Variants in TRPM8 observed in about 807,000 individuals in gnomAD.
TRPM8 encodes TRPM8 cationic channel.
In TRPM8, 110 loss-of-function variants were observed where a neutral mutation model predicts 133.7. The ratio of observed to expected loss-of-function variants is 0.82; its 90% confidence interval spans 0.70 to 0.96. The LOEUF is 0.96. Among genes scored for constraint, TRPM8 ranks in the 40% least tolerant of loss-of-function variants. TRPM8 has a pLI of 0.00. For synonymous variants in TRPM8, 535 were observed against 532.3 expected (o/e 1.01, Z -0.07); for missense variants, 1,291 against 1,379.5 (o/e 0.94, Z 1.02).
intron 22 of TRPM8, among the ~76,000 whole-genome samples, chr2:233,999,697 T>G (rs1452746680): frequency 6.6e-6 from 1 of 152,214 alleles, no homozygotes; most frequent in Non-Finnish European, 1.5e-5. Context: ...TGGAGCAAGG[T>G]GCATGGGGGC....
At chr2:234,013,081 T>G (rs1434392254) in intron 24 of TRPM8, 1 of 152,176 alleles carries the variant, frequency 6.6e-6, no homozygotes, top group Non-Finnish European at 1.5e-5. Flanking sequence ...GGCCTATAGT[T>G]TTCTTTTCTT....
chr2:233,949,652 A>G (rs1406503482), intron 8 of TRPM8, among the ~76,000 whole-genome samples: 1 of 152,230 alleles, frequency 6.6e-6, no homozygotes, highest in Non-Finnish European at 1.5e-5. Flanking sequence ...TGGAATGATC[A>G]ATTTTGTGTA....
intron 21 of TRPM8, among the ~76,000 whole-genome samples, chr2:233,991,570 G>T (rs1692278867): frequency 1.3e-5 from 2 of 152,222 alleles, no homozygotes; most frequent in African/African-American, 2.4e-5. Flanking sequence ...TGGAGGAGGT[G>T]TCCATCTGAT....
intron 12 of TRPM8, among the ~76,000 whole-genome samples, chr2:233,961,650 G>A (rs1475758311): frequency 8.1e-6 from 1 of 123,102 alleles, no homozygotes; most frequent in African/African-American, 3.1e-5. Context: ...TTTTTTTTGA[G>A]ACAGAGTCCC....
chr2:233,992,670 C>A (rs73996645), intron 21 of TRPM8, among the ~76,000 whole-genome samples: 3 of 152,236 alleles, frequency 2.0e-5, no homozygotes, highest in Non-Finnish European at 2.9e-5. Context: ...AGGGACAGGA[C>A]GCCAAGGGCA....
At chr2:233,962,505 C>T (rs917374302) in intron 12 of TRPM8, among the ~76,000 whole-genome samples, 1 of 152,138 alleles carries the variant, frequency 6.6e-6, no homozygotes, top group African/African-American at 2.4e-5. Flanking sequence ...TGCCTCAAAT[C>T]CTTGTCTCAG....
chr2:233,936,928 G>A (rs1164441214), intron 3 of TRPM8, among the ~76,000 whole-genome samples: 13 of 111,774 alleles, frequency 1.2e-4, no homozygotes, highest in African/African-American at 3.9e-4. Context: ...AGGGAGTCTT[G>A]CTCTGTCACC....
At chr2:233,984,753 A>T (rs1692101611) in intron 20 of TRPM8, among the ~76,000 whole-genome samples, 1 of 152,134 alleles carries the variant, frequency 6.6e-6, no homozygotes, top group Non-Finnish European at 1.5e-5. Context: ...CCTCTGCTTA[A>T]AACAGCCTTG....
intron 18 of TRPM8, 93 bp downstream of exon 18, chr2:233,980,372 A>G: frequency 1.3e-6 from 1 of 781,990 alleles, no homozygotes; most frequent in Non-Finnish European, 2.0e-6. Context: ...AGGGAAGTCT[A>G]TTACTCATTA....
At chr2:234,000,093 T>TTATTTATG (rs1424651299) in intron 22 of TRPM8, among the ~76,000 whole-genome samples, 1 of 148,358 alleles carries the variant, frequency 6.7e-6, no homozygotes, top group Non-Finnish European at 1.5e-5. Context: ...GATGATTTAT[T>TTATTTATG]TATTTATTTA....
intron 21 of TRPM8, among the ~76,000 whole-genome samples, chr2:233,993,552 G>T (rs1029992114): frequency 6.6e-6 from 1 of 152,184 alleles, no homozygotes; most frequent in African/African-American, 2.4e-5. Context: ...GCCATTCTTA[G>T]CTCATGGACT....
At chr2:233,922,098 T>C (rs1691423990) in intron 1 of TRPM8, among the ~76,000 whole-genome samples, 1 of 115,694 alleles carries the variant, frequency 8.6e-6, no homozygotes, top group Admixed American at 7.6e-5. Flanking sequence ...AGGGTCTCTG[T>C]CTCCAACATC....
rs200511441 is a variant in TRPM8, at chr2:233,983,178, C to G, written c.2715C>G (p.Tyr905Ter). ...GGTGGATATTCCGTTCGGTCATCTA[C>G]GAGCCCTACCTGGCCATGTTCGGCC... Reference protein sequence around the residue: ...RWRWIFRSVIYEPYLAMFGQV... With the variant: ...RWRWIFRSVI Residue 905 changes from tyrosine (Y) to a stop codon, truncating the protein, a stop_gained, in exon 20 of 26, where the codon TAC (tyrosine) becomes TAG (stop). Coordinates refer to ENST00000324695, the MANE Select transcript of TRPM8 (RefSeq NM_024080.5). LOFTEE classifies it high-confidence loss of function. 6.2e-7 allele frequency: 1 copy of G among 1,614,172 alleles called. No individual in the cohort carries two copies. Among genetic ancestry groups the G allele is most frequent in the Non-Finnish European group, 8.5e-7 (1 of 1,180,034 alleles).
chr2:233,965,701 A>G (rs1691550332), intron 14 of TRPM8, among the ~76,000 whole-genome samples: 1 of 152,202 alleles, frequency 6.6e-6, no homozygotes, highest in South Asian at 2.1e-4. Context: ...TAATTTATTA[A>G]AATTTCAAAG....
intron 1 of TRPM8, among the ~76,000 whole-genome samples, chr2:233,923,016 C>T (rs1180985910): frequency 2.6e-5 from 4 of 152,000 alleles, no homozygotes; most frequent in Admixed American, 1.3e-4. Context: ...TACAGGCACC[C>T]GCCACCACGC....
rs531823836 is a variant in TRPM8, at chr2:233,958,789, G to C, written c.1363-1987G>C. Among the ~76,000 whole-genome samples the C allele has an allele frequency of 5.9e-5, 9 of 152,280 alleles. No homozygotes were observed. The East Asian group carries it at 1.7e-3, about 29-fold the overall frequency. ...TCTCTAGGCAATGTGTGATCCCCAT[G>C]AGACCAACATTAGGCAGGAACAAAA... On this transcript the variant is annotated intron_variant, in intron 11 of 25. Transcript: ENST00000324695.
At chr2:233,952,813 C>T (rs1187694258) in intron 9 of TRPM8, among the ~76,000 whole-genome samples, 2 of 151,930 alleles carry the variant, frequency 1.3e-5, no homozygotes, top group African/African-American at 2.4e-5. Context: ...TACTTGCTAT[C>T]CATATTCATT....
In TRPM8 at chr2:233,937,363, T is replaced by G. The variant is rs755195544; in HGVS notation, c.202T>G (p.Cys68Gly). The change falls in exon 4 of 26, where the codon TGC (cysteine) becomes GGC (glycine). Residue 68 changes from cysteine (C) to glycine (G), a missense_variant. By Grantham distance (159) the Cys-to-Gly change is radical. Around this residue, in one of 2 missense-constraint regions of TRPM8, gnomAD observed 963 missense variants for 968.9 expected, o/e 0.99. Transcript: ENST00000324695. ...CATCGTGCTTATCAGGGAGAATGTG[T>G]GCAAGTGTGGCTATGCCCAGAGCCA... Reference protein sequence around the residue: ...TKDSKATENVCKCGYAQSQHM... With the variant: ...TKDSKATENVGKCGYAQSQHM... 1 of 1,614,144 alleles carries G rather than the reference T, an allele frequency of 6.2e-7. No individual in the cohort carries two copies. The highest frequency in any genetic ancestry group is 8.5e-7 in the Non-Finnish European group (1 of 1,180,032).
chr2:233,956,154 T>C (rs1691289224), intron 11 of TRPM8, among the ~76,000 whole-genome samples: 1 of 152,178 alleles, frequency 6.6e-6, no homozygotes, highest in Non-Finnish European at 1.5e-5. Flanking sequence ...TGGAATGCTC[T>C]TGAATCATCC....
Sources: allele counts gnomAD v4.1 joint callset (sites outside exome capture counted in the v4.1 genomes callset), GRCh38; gene constraint gnomAD v4.1.1; regional missense constraint gnomAD v4.1.1; transcripts MANE v1.5; gene names NCBI Gene and HGNC (gene_info 2026-07-23, HGNC 2026-07-21).